CNTN5: variants seen among roughly 807,000 people sequenced by gnomAD.
The protein encoded by CNTN5 is contactin 5.
A neutral mutation model predicts 129.1 loss-of-function variants in CNTN5; 77 were observed. The ratio of observed to expected loss-of-function variants is 0.60; its 90% CI spans 0.50 to 0.72. The LOEUF (loss-of-function observed/expected upper bound fraction) is 0.72, where lower values mean the gene tolerates loss of function less well. Ranked by LOEUF, CNTN5 falls within the 30% of genes least tolerant of loss-of-function variation. The pLI is 0.00. For synonymous variants in CNTN5, 509 were observed against 465.6 expected, an observed-to-expected ratio of 1.09 and a Z score of -1.20; for missense variants, 1,478 against 1,328.8, an observed-to-expected ratio of 1.11 and a Z score of -1.75.
Position 99,282,301 on chromosome 11 carries a change from T to C in CNTN5, c.-209-43045T>C, listed in dbSNP as rs192932434. ...ATGACAGAGAAAAAGAAATAGATAA[T>C]AGCATTGTGGGGCCATGCTGAGTAC... On this transcript the variant is annotated intron_variant, in intron 1 of 24. Coordinates refer to ENST00000524871, the MANE Select transcript of CNTN5 (RefSeq NM_014361.4). 3.1e-3 allele frequency among the ~76,000 whole-genome samples: 467 copies of C among 152,026 alleles called. 1 individual carries two copies. The highest frequency in any genetic ancestry group is 4.7e-3 in the Non-Finnish European group (317 of 67,956).
intron 3 of CNTN5, among the ~76,000 whole-genome samples, chr11:99,575,269 G>C (rs2135589665): frequency 6.6e-6 from 1 of 152,288 alleles, no homozygotes; most frequent in African/African-American, 2.4e-5. Flanking sequence ...CTTAAAGAAA[G>C]TTAAGAGAAG....
intron 3 of CNTN5, among the ~76,000 whole-genome samples, chr11:99,718,500 G>A (rs905943556): frequency 2.0e-5 from 3 of 152,084 alleles, no homozygotes; most frequent in Non-Finnish European, 2.9e-5. Context: ...AAACATGTTT[G>A]AAACTTGAAA....
intron 1 of CNTN5, among the ~76,000 whole-genome samples, chr11:99,089,608 T>A (rs776685477): frequency 6.6e-6 from 1 of 152,204 alleles, no homozygotes; most frequent in Non-Finnish European, 1.5e-5. Flanking sequence ...GAAAGTCATT[T>A]CGCATTAAAC....
At chr11:100,035,014 G>T (rs182133614) in intron 9 of CNTN5, among the ~76,000 whole-genome samples, 1 of 151,524 alleles carries the variant, frequency 6.6e-6, no homozygotes, top group Admixed American at 6.6e-5. Flanking sequence ...GTACATGTGC[G>T]CAACGTGCAG....
intron 3 of CNTN5, among the ~76,000 whole-genome samples, chr11:99,609,695 T>C (rs1220803428): frequency 2.0e-5 from 3 of 152,102 alleles, no homozygotes; most frequent in African/African-American, 7.2e-5. Flanking sequence ...TGAGATAAGA[T>C]AGGTATCATC....
chr11:99,251,751 T>A (rs184811650), intron 1 of CNTN5, among the ~76,000 whole-genome samples: 20 of 152,088 alleles, frequency 1.3e-4, no homozygotes, highest in African/African-American at 3.6e-4. Flanking sequence ...GTAACATTTT[T>A]AAATTTTTTT....
At chr11:99,764,789 A>G (rs1471695033) in intron 3 of CNTN5, among the ~76,000 whole-genome samples, 5 of 152,158 alleles carry the variant, frequency 3.3e-5, no homozygotes, top group African/African-American at 9.7e-5. Flanking sequence ...TGTATTTTAC[A>G]CCTATAGATC....
At chr11:100,305,986 G>T (rs905569377) in intron 20 of CNTN5, among the ~76,000 whole-genome samples, 1 of 150,342 alleles carries the variant, frequency 6.7e-6, no homozygotes, top group Admixed American at 6.6e-5. Context: ...ATCTCGTAAC[G>T]CTTTAAGAAG....
chr11:99,673,356 G>A (rs987862910), intron 3 of CNTN5, among the ~76,000 whole-genome samples: 5 of 152,164 alleles, frequency 3.3e-5, no homozygotes, highest in African/African-American at 1.2e-4. Context: ...GTAAAATAAA[G>A]ATAATAAGAA....
chr11:99,774,427 C>G (rs1263506863), intron 3 of CNTN5, among the ~76,000 whole-genome samples: 2 of 150,604 alleles, frequency 1.3e-5, no homozygotes, highest in Non-Finnish European at 3.0e-5. Context: ...TTGTGTGTCT[C>G]ATGAGATCTT....
intron 13 of CNTN5, among the ~76,000 whole-genome samples, chr11:100,116,411 T>TA (rs113430782): frequency 1.3e-5 from 2 of 151,358 alleles, no homozygotes; most frequent in East Asian, 1.9e-4. Context: ...TCCTATCTAA[T>TA]AAAAAAAATT....
chr11:100,111,138 A>G (rs1049388786), intron 13 of CNTN5, among the ~76,000 whole-genome samples: 1 of 152,188 alleles, frequency 6.6e-6, no homozygotes, highest in Non-Finnish European at 1.5e-5. Flanking sequence ...TGTTCATATC[A>G]AGACTGTTTA....
intron 3 of CNTN5, among the ~76,000 whole-genome samples, chr11:99,809,000 C>G (rs558551422): frequency 6.6e-6 from 1 of 152,104 alleles, no homozygotes; most frequent in African/African-American, 2.4e-5. Flanking sequence ...AGCAGCTACA[C>G]AAGCAGGAGC....
At chr11:99,371,883 G>C (rs931708468) in intron 2 of CNTN5, among the ~76,000 whole-genome samples, 1 of 152,102 alleles carries the variant, frequency 6.6e-6, no homozygotes, top group Non-Finnish European at 1.5e-5. Context: ...GTTTAAACAG[G>C]CTTCTGCCCA....
chr11:99,577,774 G>C (rs1010728842), intron 3 of CNTN5, among the ~76,000 whole-genome samples: 2 of 151,814 alleles, frequency 1.3e-5, no homozygotes, highest in African/African-American at 2.4e-5. Context: ...AGATGATTCT[G>C]CATTTGTGCA....
intron 3 of CNTN5, among the ~76,000 whole-genome samples, chr11:99,774,899 A>G (rs1945072199): frequency 3.3e-5 from 5 of 152,086 alleles, no homozygotes; most frequent in African/African-American, 9.7e-5. Flanking sequence ...CCAGTAACCC[A>G]AGTATCTATT....
intron 1 of CNTN5, among the ~76,000 whole-genome samples, chr11:99,190,063 T>G (rs1858557778): frequency 6.6e-6 from 1 of 151,664 alleles, no homozygotes; most frequent in Non-Finnish European, 1.5e-5. Flanking sequence ...TTAACTTATT[T>G]GAGTTGATTT....
intron 1 of CNTN5, among the ~76,000 whole-genome samples, chr11:99,209,811 A>C (rs755890441): frequency 6.6e-6 from 1 of 152,186 alleles, no homozygotes; most frequent in African/African-American, 2.4e-5. Context: ...TAAATTCTAG[A>C]TCAGAACCTA....
chr11:100,264,234 TTTTAC>T (rs1450635911), intron 17 of CNTN5, among the ~76,000 whole-genome samples: 1 of 152,276 alleles, frequency 6.6e-6, no homozygotes, highest in African/African-American at 2.4e-5. Flanking sequence ...TAAATTTTTA[TTTTAC>T]TTTAAGTTCT....
Sources: allele counts gnomAD v4.1 joint callset (sites outside exome capture counted in the v4.1 genomes callset), GRCh38; gene constraint gnomAD v4.1.1; transcripts MANE v1.5; gene names NCBI Gene and HGNC (gene_info 2026-07-23, HGNC 2026-07-21).